The following RNGTT variants were observed in gnomAD, a reference collection of about 807,000 sequenced individuals.
RNGTT encodes mRNA-capping enzyme.
In RNGTT, 33 loss-of-function variants were observed where a neutral mutation model predicts 79.3. That is an observed-to-expected ratio of 0.42 (90% CI 0.32 to 0.56). The LOEUF is 0.56. Ranked by LOEUF, RNGTT falls within the 20% of genes least tolerant of loss-of-function variation. The pLI is 0.17. For missense variants in RNGTT, 497 were observed against 739.1 expected, an observed-to-expected ratio of 0.67 and a Z score of 3.80; for synonymous variants, 222 against 235.9, an observed-to-expected ratio of 0.94 and a Z score of 0.54.
intron 14 of RNGTT, among the ~76,000 whole-genome samples, chr6:88,616,498 C>T (rs2756369): frequency 0.27 from 40,927 of 151,848 alleles, 7,646 homozygotes; most frequent in African/African-American, 0.54. Flanking sequence ...TCCTTAACAC[C>T]TGTTAGTTTT....
At chr6:88,891,626 T>A (rs1315474350) in intron 7 of RNGTT, among the ~76,000 whole-genome samples, 180 bp downstream of exon 7, 1 of 152,110 alleles carries the variant, frequency 6.6e-6, no homozygotes, top group Admixed American at 6.5e-5. Context: ...ATGTGAGTCA[T>A]CTAATTTTGA....
chr6:88,921,086 G>A (rs893213217), intron 4 of RNGTT, among the ~76,000 whole-genome samples: 6 of 152,108 alleles, frequency 3.9e-5, no homozygotes, highest in Non-Finnish European at 8.8e-5. Context: ...AAAGAATCAA[G>A]CTTAAGTAGT....
At chr6:88,669,590 A>C (rs1774551517) in intron 14 of RNGTT, among the ~76,000 whole-genome samples, 1 of 152,244 alleles carries the variant, frequency 6.6e-6, no homozygotes, top group Non-Finnish European at 1.5e-5. Flanking sequence ...AGAAGAACCC[A>C]TTTAGTAAGT....
At chr6:88,954,668 T>C (rs979843735) in intron 1 of RNGTT, among the ~76,000 whole-genome samples, 2 of 151,696 alleles carry the variant, frequency 1.3e-5, no homozygotes, top group African/African-American at 4.8e-5. Flanking sequence ...AAATTTAAGA[T>C]AATTGAAATT....
At chr6:88,765,703 G>A (rs1300154220) in intron 13 of RNGTT, among the ~76,000 whole-genome samples, 1 of 152,116 alleles carries the variant, frequency 6.6e-6, no homozygotes, top group South Asian at 2.1e-4. Context: ...CTTGGATTTG[G>A]TTCTGGGCAA....
At chr6:88,673,976 G>C (rs1774757009) in intron 14 of RNGTT, among the ~76,000 whole-genome samples, 2 of 152,168 alleles carry the variant, frequency 1.3e-5, no homozygotes, top group African/African-American at 4.8e-5. Flanking sequence ...TAGGATTCCT[G>C]GCTATACTGA....
At chr6:88,849,518 T>C (rs911510018) in intron 10 of RNGTT, among the ~76,000 whole-genome samples, 5 of 151,962 alleles carry the variant, frequency 3.3e-5, no homozygotes, top group Admixed American at 6.6e-5. Context: ...ATCAGAGTTA[T>C]GCCATTATTC....
At chr6:88,815,526 C>T (rs1780287119) in intron 11 of RNGTT, among the ~76,000 whole-genome samples, 1 of 152,184 alleles carries the variant, frequency 6.6e-6, no homozygotes, top group Admixed American at 6.5e-5. Context: ...AAACTTGAGG[C>T]TGGTATCTGA....
At chr6:88,721,412 ATT>A (rs1314785016) in intron 13 of RNGTT, among the ~76,000 whole-genome samples, 5 of 151,640 alleles carry the variant, frequency 3.3e-5, no homozygotes, top group Non-Finnish European at 7.4e-5. Flanking sequence ...ACTAAATCTA[ATT>A]TTTTGTTTGT....
At chr6:88,923,037 A>G (rs528727269) in intron 4 of RNGTT, among the ~76,000 whole-genome samples, 1 of 152,354 alleles carries the variant, frequency 6.6e-6, no homozygotes, top group East Asian at 1.9e-4. Flanking sequence ...ATCCAGAGAC[A>G]TAATTAGATT....
chr6:88,762,519 A>G (rs1288468935), intron 13 of RNGTT, among the ~76,000 whole-genome samples: 1 of 152,184 alleles, frequency 6.6e-6, no homozygotes, highest in Non-Finnish European at 1.5e-5. Flanking sequence ...CTTATATACA[A>G]GTTGGCAAAT....
chr6:88,906,229 T>C (rs1258681866), intron 5 of RNGTT, 136 bp downstream of exon 5: 2 of 618,938 alleles, frequency 3.2e-6, no homozygotes, highest in Non-Finnish European at 5.8e-6. Context: ...ATTAACCATA[T>C]CTAAAATGAA....
intron 14 of RNGTT, among the ~76,000 whole-genome samples, chr6:88,663,426 C>T (rs566443888): frequency 6.6e-6 from 1 of 152,296 alleles, no homozygotes; most frequent in African/African-American, 2.4e-5. Context: ...AGTTACCATA[C>T]ATAGATACTT....
Position 88,929,160 on chromosome 6 carries a change from T to C in RNGTT, c.278+4A>G. On this transcript the variant is annotated splice_donor_region_variant and intron_variant, in intron 3 of 15. Transcript: ENST00000369485. ...ATATTAAAGAATCTTAATATATAACTTACCCTTTACACTGAAGTTTTATAT... is the reference window on the plus strand; with the variant it reads ...ATATTAAAGAATCTTAATATATAACCTACCCTTTACACTGAAGTTTTATAT... 1 of 1,579,674 alleles carries C rather than the reference T, an allele frequency of 6.3e-7. No homozygotes were observed. The highest frequency in any genetic ancestry group is 8.7e-7 in the Non-Finnish European group (1 of 1,153,024).
At chr6:88,714,992 G>T (rs1047967187) in intron 13 of RNGTT, among the ~76,000 whole-genome samples, 2 of 152,100 alleles carry the variant, frequency 1.3e-5, no homozygotes, top group African/African-American at 2.4e-5. Context: ...AGGAAATAAA[G>T]GGTATTCAAT....
rs754482273 is a variant in RNGTT at position 88,614,326 on chromosome 6, A to T, written c.1576T>A (p.Phe526Ile). The T allele has an allele frequency of 1.1e-5, 18 of 1,613,838 alleles. No homozygotes were observed. The highest frequency in any genetic ancestry group is 1.4e-5 in the Non-Finnish European group (17 of 1,179,736). ...ECKFENNSWV[F>I]MRQRTDKSFP... ...CTTTTGTCTGTTCTCTGTCTCATGAAGACCCAGCTGTTGTTCTCAAATTTG... is the reference window on the plus strand; with the variant it reads ...CTTTTGTCTGTTCTCTGTCTCATGATGACCCAGCTGTTGTTCTCAAATTTG... The change falls in exon 15 of 16, where the codon TTC becomes ATC. Residue 526 changes from phenylalanine to isoleucine, a missense_variant. Physicochemically the swap from Phe to Ile is conservative, Grantham distance 21 (BLOSUM62 0). Transcript: ENST00000369485.
At chr6:88,961,201 T>C (rs934257268) in intron 1 of RNGTT, among the ~76,000 whole-genome samples, 3 of 152,184 alleles carry the variant, frequency 2.0e-5, no homozygotes, top group African/African-American at 7.2e-5. Context: ...AAACACTGGA[T>C]TCCAAGTTCT....
intron 13 of RNGTT, among the ~76,000 whole-genome samples, chr6:88,736,599 G>A (rs902152586): frequency 2.0e-5 from 3 of 152,284 alleles, no homozygotes; most frequent in African/African-American, 7.2e-5. Context: ...GAGAAATAAA[G>A]CTACTGTTAG....
chr6:88,817,490 T>TAAAAAAAAAA (rs11354100), intron 11 of RNGTT, among the ~76,000 whole-genome samples: 5 of 44,564 alleles, frequency 1.1e-4, no homozygotes, highest in Non-Finnish European at 1.6e-4. Context: ...AAAAAATAAG[T>TAAAAAAAAAA]AAAAAAAAAA....
Sources: gnomAD v4.1 joint callset for allele counts (sites outside exome capture counted in the v4.1 genomes callset) on GRCh38, gnomAD v4.1.1 for gene constraint, MANE v1.5 for transcripts, NCBI Gene and HGNC (gene_info 2026-07-23, HGNC 2026-07-21) for gene names.